The following IL1RAPL2 variants were observed in gnomAD, a reference collection of about 807,000 sequenced individuals.
IL1RAPL2 encodes the protein X-linked interleukin-1 receptor accessory protein-like 2.
A neutral mutation model predicts 44.1 loss-of-function variants in IL1RAPL2; 3 were observed. The observed-to-expected ratio is 0.07, with a 90% CI of 0.03 to 0.18. IL1RAPL2 has a LOEUF of 0.18. Among genes scored for constraint, IL1RAPL2 ranks in the 10% least tolerant of loss-of-function variants. The pLI is 1.00. For synonymous variants in IL1RAPL2, 181 were observed against 178.8 expected (o/e 1.01, Z -0.10); for missense variants, 391 against 496.4 (o/e 0.79, Z 2.02).
chrX:105,068,365 A>G (rs1462472648), intron 2 of IL1RAPL2, among the ~76,000 whole-genome samples: 1 of 111,863 alleles, frequency 8.9e-6, no homozygotes, highest in East Asian at 2.8e-4. Flanking sequence ...CCTAGGTTCC[A>G]GTCTCAGCCT....
chrX:104,730,903 A>G (rs1474613425), intron 2 of IL1RAPL2, among the ~76,000 whole-genome samples: 1 of 111,142 alleles, frequency 9.0e-6, no homozygotes, highest in Non-Finnish European at 1.9e-5. Context: ...TGACTTTTTA[A>G]TGATCACCAT....
intron 1 of IL1RAPL2, among the ~76,000 whole-genome samples, chrX:104,573,639 C>A (rs1157489844): frequency 8.9e-6 from 1 of 111,924 alleles, no homozygotes; most frequent in Non-Finnish European, 1.9e-5. Context: ...TATGTCATAT[C>A]AAACACCAGA....
chrX:104,932,302 A>G (rs761538972), intron 2 of IL1RAPL2, among the ~76,000 whole-genome samples: 9 of 110,534 alleles, frequency 8.1e-5, no homozygotes, highest in African/African-American at 2.0e-4. Context: ...CTCGGCCACT[A>G]TGAGTATATA....
intron 1 of IL1RAPL2, among the ~76,000 whole-genome samples, chrX:104,632,119 TTTTGTCAGG>T (rs1287226227): frequency 1.7e-3 from 195 of 111,910 alleles, no homozygotes; most frequent in African/African-American, 5.9e-3. Flanking sequence ...CATTTCTTGT[TTTTGTCAGG>T]TTTGTCAAAG....
intron 2 of IL1RAPL2, among the ~76,000 whole-genome samples, chrX:105,035,009 C>T (rs939442519): frequency 1.2e-4 from 6 of 49,729 alleles, no homozygotes; most frequent in Admixed American, 2.8e-4. Flanking sequence ...TAGCAATCAG[C>T]GAGACACTGT....
At chrX:104,963,104 T>C (rs913425558) in intron 2 of IL1RAPL2, among the ~76,000 whole-genome samples, 2 of 111,962 alleles carry the variant, frequency 1.8e-5, no homozygotes, top group African/African-American at 6.5e-5. Flanking sequence ...AGATATCAAA[T>C]AGTTTCCCTA....
At chrX:105,695,084 A>C (rs1465786740) in intron 6 of IL1RAPL2, among the ~76,000 whole-genome samples, 1 of 111,742 alleles carries the variant, frequency 8.9e-6, no homozygotes, top group African/African-American at 3.3e-5. Context: ...AACAGTGTAC[A>C]TATCTCCCCA....
intron 2 of IL1RAPL2, among the ~76,000 whole-genome samples, chrX:104,849,125 G>A (rs1922150352): frequency 1.8e-5 from 2 of 108,394 alleles, no homozygotes; most frequent in Admixed American, 2.0e-4. Flanking sequence ...CATCTCCTGG[G>A]CTCAGGTGAT....
chrX:104,985,647 C>T (rs1437918738), intron 2 of IL1RAPL2, among the ~76,000 whole-genome samples: 1 of 111,461 alleles, frequency 9.0e-6, no homozygotes, highest in Admixed American at 9.5e-5. Flanking sequence ...AGATGCTACC[C>T]ACATGGATTT....
chrX:105,026,432 A>G (rs1261424638), intron 2 of IL1RAPL2, among the ~76,000 whole-genome samples: 5 of 110,685 alleles, frequency 4.5e-5, no homozygotes, highest in Non-Finnish European at 9.5e-5. Flanking sequence ...CAGATAATAT[A>G]ATCTTATATT....
At chrX:105,247,725 C>T (rs2034233935) in intron 4 of IL1RAPL2, among the ~76,000 whole-genome samples, 1 of 106,930 alleles carries the variant, frequency 9.4e-6, no homozygotes, top group African/African-American at 3.4e-5. Context: ...TCCTCTCTTC[C>T]ATTCCATTTC....
At chrX:105,385,809 A>G (rs2147726613) in intron 5 of IL1RAPL2, among the ~76,000 whole-genome samples, 1 of 111,113 alleles carries the variant, frequency 9.0e-6, no homozygotes, top group African/African-American at 3.3e-5. Flanking sequence ...ATGGGACTGA[A>G]CTCAAATTTG....
chrX:104,613,502 C>T (rs1260950272), intron 1 of IL1RAPL2, among the ~76,000 whole-genome samples: 1 of 111,837 alleles, frequency 8.9e-6, no homozygotes, highest in East Asian at 2.8e-4. Context: ...AACCTTCCAT[C>T]CCAGGAATGA....
At chrX:105,702,410 A>C (rs1402578155) in intron 6 of IL1RAPL2, among the ~76,000 whole-genome samples, 3 of 111,738 alleles carry the variant, frequency 2.7e-5, no homozygotes, top group African/African-American at 9.8e-5. Context: ...ACACAAGGCC[A>C]GCCAGAAAAT....
At chrX:104,728,909 A>G (rs182206161) in intron 2 of IL1RAPL2, among the ~76,000 whole-genome samples, 3 of 112,081 alleles carry the variant, frequency 2.7e-5, no homozygotes, top group Middle Eastern at 4.6e-3. Context: ...AAGACACTTG[A>G]AAACTGTAAT....
chrX:105,069,764 T>G (rs182044235), intron 2 of IL1RAPL2, among the ~76,000 whole-genome samples: 50 of 112,527 alleles, frequency 4.4e-4, no homozygotes, highest in Non-Finnish European at 9.0e-4. Flanking sequence ...ACTTTTGTCC[T>G]TAAACTAAAA....
chrX:105,669,976 G>T (rs1453088586), intron 6 of IL1RAPL2, among the ~76,000 whole-genome samples: 2 of 102,729 alleles, frequency 1.9e-5, no homozygotes, highest in South Asian at 8.9e-4. Context: ...TTTGCCTATG[G>T]ATGTCCAGTT....
intron 1 of IL1RAPL2, among the ~76,000 whole-genome samples, chrX:104,613,806 GTTTT>G (rs60588678): frequency 4.8e-5 from 3 of 61,882 alleles, no homozygotes; most frequent in Admixed American, 1.9e-4. Context: ...TCCAGGGCAT[GTTTT>G]TTTTTTTTTT....
intron 4 of IL1RAPL2, among the ~76,000 whole-genome samples, chrX:105,253,193 T>G (rs926890630): frequency 1.9e-4 from 21 of 111,938 alleles, no homozygotes; most frequent in Middle Eastern, 4.6e-3. Context: ...TTATGCCTAT[T>G]TTACACCTTT....
Sources: allele counts gnomAD v4.1 joint callset (sites outside exome capture counted in the v4.1 genomes callset), GRCh38; gene constraint gnomAD v4.1.1; transcripts MANE v1.5; gene names NCBI Gene and HGNC (gene_info 2026-07-23, HGNC 2026-07-21).